Variants in PCDH18 observed in about 807,000 individuals in gnomAD.
PCDH18 encodes protocadherin 18.
In PCDH18, 38 loss-of-function variants were observed where a neutral mutation model predicts 71.5. That is an observed-to-expected ratio of 0.53 (90% CI 0.41 to 0.70). The LOEUF (loss-of-function observed/expected upper bound fraction) is 0.70, where lower values mean the gene tolerates loss of function less well. Among genes scored for constraint, PCDH18 ranks in the 30% least tolerant of loss-of-function variants. The probability of loss-of-function intolerance (pLI) is 0.00; values close to 1 mark genes in which losing one functional copy is unlikely to be tolerated. For missense variants in PCDH18, 1,334 were observed against 1,384.6 expected, an observed-to-expected ratio of 0.96 and a Z score of 0.58; for synonymous variants, 565 against 505.4, an observed-to-expected ratio of 1.12 and a Z score of -1.58.
chr4:137,529,042 C>T, intron 1 of PCDH18: 1 of 502,072 alleles, frequency 2.0e-6, no homozygotes, highest in Non-Finnish European at 3.5e-6. Flanking sequence ...ATACAACTGA[C>T]TTTTACTTTG....
chr4:137,530,652 T>C lies in PCDH18; in HGVS notation c.1437A>G (p.Ser479=). 6.2e-7 allele frequency: 1 copy of C among 1,613,468 alleles called. No homozygotes were observed. Among genetic ancestry groups the C allele is most frequent in the Non-Finnish European group, 8.5e-7 (1 of 1,179,752 alleles). ...TAACAGTGGTGATATATGCCCCTGG[T>C]GAGTTATTTTCTGAAATTACAAATT... ...RYEFVISENN[S]PGAYITTVTA... Residue 479 remains serine, a synonymous_variant, in exon 1 of 4, where the codon TCA becomes TCG. Coordinates refer to ENST00000344876, the MANE Select transcript of PCDH18 (RefSeq NM_019035.5).
At chr4:137,526,177 A>G (rs1731451912) in intron 3 of PCDH18, among the ~76,000 whole-genome samples, 1 of 151,976 alleles carries the variant, frequency 6.6e-6, no homozygotes, top group East Asian at 1.9e-4. Context: ...ATAATTAGCT[A>G]TTAGATTTCT....
At chr4:137,524,907 C>T (rs1162197908) in intron 3 of PCDH18, among the ~76,000 whole-genome samples, 2 of 152,108 alleles carry the variant, frequency 1.3e-5, no homozygotes, top group Non-Finnish European at 2.9e-5. Flanking sequence ...CACACTGACA[C>T]ACTAAACCTG....
At chr4:137,524,060 A>C (rs1350546358) in intron 3 of PCDH18, among the ~76,000 whole-genome samples, 1 of 152,130 alleles carries the variant, frequency 6.6e-6, no homozygotes, top group Admixed American at 6.6e-5. Context: ...ATCTGTAAGT[A>C]ATTCAGTGCC....
In PCDH18 at chr4:137,530,442, A is replaced by T. The variant is rs1484435162; in HGVS notation, c.1647T>A (p.Asp549Glu). 1 of 1,614,058 alleles carries T rather than the reference A, an allele frequency of 6.2e-7. No homozygotes were observed. The highest frequency in any genetic ancestry group is 8.5e-7 in the Non-Finnish European group (1 of 1,179,988). The change falls in exon 1 of 4, where the codon GAT becomes GAA. Residue 549 changes from aspartate (D) to glutamate (E), a missense_variant. Transcript: ENST00000344876. ...SQITFVVEARDGGSPKQLVSN... is the reference protein window; with the variant it reads ...SQITFVVEAREGGSPKQLVSN... ...TTACCAGTTGCTTCGGGCTTCCTCCATCTCTTGCTTCTACCACAAAAGTGA... is the reference window on the plus strand; with the variant it reads ...TTACCAGTTGCTTCGGGCTTCCTCCTTCTCTTGCTTCTACCACAAAAGTGA...
chr4:137,529,864 G>A lies in PCDH18; in HGVS notation c.2225C>T (p.Thr742Ile). ...RSYNCRVAES[T>I]YQHHPKRPSR... ...TGGCCTTTTTGGGTGGTGCTGGTAA[G>A]TTGATTCGGCCACCCTGCAGTTATA... The change falls in exon 1 of 4, where the codon ACT becomes ATT. Residue 742 changes from threonine to isoleucine, a missense_variant. Thr to Ile is a moderately conservative substitution (Grantham distance 89). Transcript: ENST00000344876. 1 of 1,613,612 alleles carries A rather than the reference G, an allele frequency of 6.2e-7. No homozygotes were observed. The highest frequency in any genetic ancestry group is 8.5e-7 in the Non-Finnish European group (1 of 1,179,742).
chr4:137,521,676 C>A lies in PCDH18; in HGVS notation c.2761G>T (p.Glu921Ter). The A allele has an allele frequency of 6.2e-7, 1 of 1,607,010 alleles. No individual in the cohort carries two copies. The highest frequency in any genetic ancestry group is 1.1e-5 in the South Asian group (1 of 91,022). ...TCAGAGTGTCCCAGGACCCTGCACT[C>A]CTCCGTGCAGAGTCTCATAGCTGCA... ...IPAAMRLCTE[E>*]CRVLGHSDQC... The change falls in exon 4 of 4, where the codon GAG (glutamate) becomes TAG (stop). Residue 921 changes from glutamate to a stop codon, truncating the protein, a stop_gained. Transcript: ENST00000344876. LOFTEE classifies it high-confidence loss of function.
At chr4:137,528,375 C>T in intron 3 of PCDH18, 103 bp downstream of exon 3, 1 of 868,426 alleles carries the variant, frequency 1.2e-6, no homozygotes, top group African/African-American at 1.7e-5. Context: ...TACTTTAGTG[C>T]AAGGGACAAA....
Position 137,530,372 on chromosome 4 carries a change from C to G in PCDH18, c.1717G>C (p.Val573Leu), listed in dbSNP as rs964510877. The stretch of plus-strand genomic sequence containing the variant: ...AATGCAGGCCCTATAACCACAGGAA[C>G]GTTGTCATTTTCGTCAATGATGGTG... ...VLTIIDENDN[V>L]PVVIGPALRN... Residue 573 changes from valine to leucine, a missense_variant, in exon 1 of 4, where the codon GTT becomes CTT. By Grantham distance (32) the Val-to-Leu change is conservative. Around this residue, in one of 3 missense-constraint regions of PCDH18, gnomAD observed 1,011 missense variants for 1,048.0 expected, o/e 0.96. Transcript: ENST00000344876. The G allele has an allele frequency of 1.2e-6, 2 of 1,613,932 alleles. No homozygotes were observed. Among genetic ancestry groups the G allele is most frequent in the African/African-American group, 1.3e-5 (1 of 74,894 alleles).
rs1263925573 is a variant in PCDH18 at position 137,532,305 on chromosome 4, G to C, written c.-217C>G. 10 of 702,894 alleles carry C rather than the reference G, an allele frequency of 1.4e-5. No individual in the cohort carries two copies. The Admixed American group carries it at 2.0e-4, about 14-fold the overall frequency. 43.5% of individuals were successfully genotyped at this position (702,894 alleles called of 1,614,324 possible). ...GGCATGGAGTCCAGTCCTTGCGTTTGTTTGGTCGTTCGTCCTCTTTCCAGG... is the reference window on the plus strand; with the variant it reads ...GGCATGGAGTCCAGTCCTTGCGTTTCTTTGGTCGTTCGTCCTCTTTCCAGG... On this transcript the variant is annotated 5_prime_UTR_variant, in exon 1 of 4. Transcript: ENST00000344876.
intron 3 of PCDH18, among the ~76,000 whole-genome samples, chr4:137,522,536 A>G (rs536090585): frequency 2.9e-4 from 44 of 152,336 alleles, no homozygotes; most frequent in South Asian, 8.3e-4. Flanking sequence ...AAGGAAATGA[A>G]AAGATGTAAA....
At chr4:137,524,622 G>A (rs1046027649) in intron 3 of PCDH18, among the ~76,000 whole-genome samples, 1 of 152,142 alleles carries the variant, frequency 6.6e-6, no homozygotes, top group African/African-American at 2.4e-5. Context: ...AGGACACCAT[G>A]AGCAAAGCAT....
chr4:137,523,341 T>A, intron 3 of PCDH18, among the ~76,000 whole-genome samples: 1 of 144,676 alleles, frequency 6.9e-6, no homozygotes, highest in Admixed American at 6.8e-5. Context: ...TTTACCAACT[T>A]TTTTTTTTTT....
chr4:137,532,112 C>A lies in PCDH18; in HGVS notation c.-24G>T. On this transcript the variant is annotated 5_prime_UTR_variant, in exon 1 of 4. Transcript: ENST00000344876. ...ATTGGTCAGTTTATGAGATTTCCCT[C>A]ACAGAGCAAGTTAAAACAGCAAAGC... 1 of 1,578,696 alleles carries A rather than the reference C, an allele frequency of 6.3e-7. No homozygotes were observed. Among genetic ancestry groups the A allele is most frequent in the Admixed American group, 1.7e-5 (1 of 59,588 alleles).
chr4:137,530,635 G>C lies in PCDH18; in HGVS notation c.1454C>G (p.Thr485Ser). The C allele has an allele frequency of 6.2e-7, 1 of 1,614,060 alleles. No individual in the cohort carries two copies. The change falls in exon 1 of 4, where the codon ACC becomes AGC. Residue 485 changes from threonine (T) to serine (S), a missense_variant. By Grantham distance (58) the Thr-to-Ser change is moderately conservative. Coordinates refer to ENST00000344876, the MANE Select transcript of PCDH18 (RefSeq NM_019035.5). ...ATCAGGATCTGTGGCTGTAACAGTG[G>C]TGATATATGCCCCTGGTGAGTTATT... ...SENNSPGAYI[T>S]TVTATDPDLG...
At position 137,531,187 on chromosome 4, in the gene PCDH18, G is replaced by T; in HGVS notation, c.902C>A (p.Ser301Tyr). The change falls in exon 1 of 4, where the codon TCT becomes TAT. Residue 301 changes from serine (S) to tyrosine (Y), a missense_variant. This residue lies in a region of PCDH18 where 1,011 missense variants were observed against 1,048.0 expected (regional missense o/e 0.96). Transcript: ENST00000344876. Reference protein sequence around the residue: ...PKIMETFKIDSERGHLTLFKQ... With the variant: ...PKIMETFKIDYERGHLTLFKQ... ...GAAAAGAGTCAAATGTCCTCTTTCA[G>T]AATCAATTTTAAAAGTCTCCATAAT... The T allele has an allele frequency of 1.2e-6, 2 of 1,612,340 alleles. No individual in the cohort carries two copies. The highest frequency in any genetic ancestry group is 1.7e-6 in the Non-Finnish European group (2 of 1,179,046).
At chr4:137,524,629 G>A (rs1362752223) in intron 3 of PCDH18, among the ~76,000 whole-genome samples, 1 of 152,126 alleles carries the variant, frequency 6.6e-6, no homozygotes, top group Non-Finnish European at 1.5e-5. Flanking sequence ...CATGAGCAAA[G>A]CATCAGTGTA....
At position 137,520,722 on chromosome 4, in the gene PCDH18, A is replaced by T; in HGVS notation, c.*307T>A. 1 of 239,714 alleles carries T rather than the reference A, an allele frequency of 4.2e-6. No homozygotes were observed. Among genetic ancestry groups the T allele is most frequent in the Non-Finnish European group, 8.1e-6 (1 of 123,674 alleles). The allele number at this position is 239,714 out of a possible 1,614,324, so 14.8% of individuals were successfully genotyped here. ...ACACTTTGTGGTTGAATAGTGTATC[A>T]GATTTGAACAGTGGCTAGTTTCTAC... On this transcript the variant is annotated 3_prime_UTR_variant, in exon 4 of 4. Transcript: ENST00000344876.
Position 137,531,723 on chromosome 4 carries a change from A to G in PCDH18, c.366T>C (p.His122=), listed in dbSNP as rs1353338437. The part of the protein sequence containing the change: ...TLPTEHLQLF[H]IEVEVLDIND... ...TAATATCCAGCACTTCAACTTCAAT[A>G]TGGAAAAGCTGCAGATGCTCTGTGG... Residue 122 remains histidine, a synonymous_variant, in exon 1 of 4, where the codon CAT becomes CAC. Transcript: ENST00000344876. The G allele has an allele frequency of 6.2e-7, 1 of 1,613,968 alleles. No homozygotes were observed. Among genetic ancestry groups the G allele is most frequent in the East Asian group, 2.2e-5 (1 of 44,892 alleles).
Sources: gnomAD v4.1 joint callset for allele counts (sites outside exome capture counted in the v4.1 genomes callset) on GRCh38, gnomAD v4.1.1 for gene constraint, gnomAD v4.1.1 regional missense constraint, MANE v1.5 for transcripts, NCBI Gene and HGNC (gene_info 2026-07-23, HGNC 2026-07-21) for gene names.